Variants in RNF149 observed in about 807,000 individuals in gnomAD.
RNF149 encodes the protein ring finger protein 149, also known as E3 ubiquitin-protein ligase RNF149.
RNF149 carries 21 observed loss-of-function variants against 39.0 expected under a neutral mutation model. That is an observed-to-expected ratio of 0.54 (90% confidence interval 0.38 to 0.77). The LOEUF (loss-of-function observed/expected upper bound fraction) is 0.77. Among genes scored for constraint, RNF149 ranks in the 30% least tolerant of loss-of-function variants. The probability of loss-of-function intolerance (pLI) is 0.00; values close to 1 mark genes in which losing one functional copy is unlikely to be tolerated. For missense variants in RNF149, 493 were observed against 534.9 expected, an observed-to-expected ratio of 0.92 and a Z score of 0.77; for synonymous variants, 209 against 213.6, an observed-to-expected ratio of 0.98 and a Z score of 0.19.
At chr2:101,277,412 G>A (rs1413186732) in intron 6 of RNF149, 131 bp from the exon 7 acceptor site, 25 of 1,280,850 alleles carry the variant, frequency 2.0e-5, no homozygotes, top group Middle Eastern at 4.4e-4. Flanking sequence ...TTTTTGAGAC[G>A]GAGTCTTGTT....
intron 2 of RNF149, 24 bp from the exon 3 acceptor site, chr2:101,294,106 A>G (rs1422220590): frequency 7.9e-6 from 10 of 1,267,446 alleles, no homozygotes; most frequent in Non-Finnish European, 1.1e-5. Flanking sequence ...ATATTAATAC[A>G]GTTATTGAAA....
At chr2:101,286,496 A>G (rs566625826) in intron 4 of RNF149, 5 of 206,412 alleles carry the variant, frequency 2.4e-5, no homozygotes, top group African/African-American at 9.3e-5. Flanking sequence ...AACTAGTAGT[A>G]ATAAGTAAAC....
At chr2:101,292,555 A>G (rs996901425) in intron 3 of RNF149, among the ~76,000 whole-genome samples, 9 of 152,186 alleles carry the variant, frequency 5.9e-5, no homozygotes, top group Non-Finnish European at 1.3e-4. Context: ...TCACGAGGTC[A>G]GGAGATGGAG....
intron 4 of RNF149, among the ~76,000 whole-genome samples, chr2:101,286,837 C>G (rs767416479): frequency 6.6e-6 from 1 of 152,196 alleles, no homozygotes; most frequent in Non-Finnish European, 1.5e-5. Context: ...GACTCAGATA[C>G]GAGCTCTGCG....
chr2:101,306,233 CCTG>C lies in RNF149; in HGVS notation c.460+1893_460+1895del, dbSNP rs770845835. On this transcript the variant is annotated intron_variant, in intron 1 of 6. Coordinates refer to ENST00000295317, the MANE Select transcript of RNF149 (RefSeq NM_173647.4). ...ATTTGGAAAACTGTAGGCTGATGAACCTGCTATTTGAAAAAAAGTCTACATTAA... is the reference window on the plus strand; with the variant it reads ...ATTTGGAAAACTGTAGGCTGATGAACCTATTTGAAAAAAAGTCTACATTAA... 2.6e-5 allele frequency among the ~76,000 whole-genome samples: 4 copies of C among 152,204 alleles called. No homozygotes were observed. The South Asian group carries it at 6.2e-4, about 24-fold the overall frequency.
chr2:101,298,099 A>G (rs1442963601), intron 1 of RNF149, among the ~76,000 whole-genome samples: 1 of 152,194 alleles, frequency 6.6e-6, no homozygotes, highest in Non-Finnish European at 1.5e-5. Flanking sequence ...GTGCCCAGGA[A>G]CTTAATTGCA....
At position 101,289,004 on chromosome 2, in the gene RNF149, CT is replaced by C; in HGVS notation, c.831del (p.Val278Ter). The C allele has an allele frequency of 1.3e-6, 2 of 1,587,286 alleles. No homozygotes were observed. The highest frequency in any genetic ancestry group is 1.7e-6 in the Non-Finnish European group (2 of 1,157,378). On this transcript the variant is annotated frameshift_variant, in exon 4 of 7. Coordinates refer to ENST00000295317, the MANE Select transcript of RNF149 (RefSeq NM_173647.4). LOFTEE classifies it high-confidence loss of function. The stretch of plus-strand genomic sequence containing the variant: ...GGCAGAATTCTAATAATATCCTTTA[CT>C]TTGAAATTTTCAATACACACTGCAC... The part of the protein sequence containing the change: ...ENCAVCIENF[K>X]VKDIIRILPC...
chr2:101,308,658 A>G lies in RNF149; in HGVS notation c.-70T>C, dbSNP rs1308101881. ...AGTGCGGTGCAGTCGAAGAGCAGAGAGAAGCGGACACCCACCGCCGCCCTG... is the reference window on the plus strand; with the variant it reads ...AGTGCGGTGCAGTCGAAGAGCAGAGGGAAGCGGACACCCACCGCCGCCCTG... On this transcript the variant is annotated 5_prime_UTR_variant, in exon 1 of 7. Transcript: ENST00000295317. 2 of 1,340,436 alleles carry G rather than the reference A, an allele frequency of 1.5e-6. No individual in the cohort carries two copies. The highest frequency in any genetic ancestry group is 3.1e-5 in the African/African-American group (2 of 64,494). 83.0% of individuals were successfully genotyped at this position (1,340,436 alleles called of 1,614,324 possible).
chr2:101,274,348 A>G (rs1306917089), downstream of RNF149, among the ~76,000 whole-genome samples: 2 of 152,166 alleles, frequency 1.3e-5, no homozygotes. Flanking sequence ...TTGTCATCAA[A>G]TTTCTCCCTG....
At position 101,275,677 on chromosome 2, in the gene RNF149, G is replaced by A. The variant is rs550371436; in HGVS notation, c.*1561C>T. 3.6e-5 allele frequency: 9 copies of A among 250,784 alleles called. No homozygotes were observed. In the East Asian group the frequency reaches 1.4e-3, roughly 40 times the overall value. 15.5% of individuals were successfully genotyped at this position (250,784 alleles called of 1,614,324 possible). On this transcript the variant is annotated 3_prime_UTR_variant, in exon 7 of 7. Transcript: ENST00000295317. Reference sequence around the variant, plus strand: ...GGGATGGTCTCGATCTCCTGACCTCGTGATCCGCCCGCCTCGGCCTCCCAA... The same window carrying A: ...GGGATGGTCTCGATCTCCTGACCTCATGATCCGCCCGCCTCGGCCTCCCAA...
In RNF149 at chr2:101,276,956, C is replaced by T. The variant is rs1682367365; in HGVS notation, c.*282G>A. On this transcript the variant is annotated 3_prime_UTR_variant, in exon 7 of 7. Coordinates refer to ENST00000295317, the MANE Select transcript of RNF149 (RefSeq NM_173647.4). ...CCAATTATTTAGAAACACCACCTGT[C>T]CTTTATATTAGAGTACCTGCCCCAG... 1 of 1,138,656 alleles carries T rather than the reference C, an allele frequency of 8.8e-7. No individual in the cohort carries two copies. Among genetic ancestry groups the T allele is most frequent in the African/African-American group, 1.6e-5 (1 of 61,112 alleles). 70.5% of individuals were successfully genotyped at this position (1,138,656 alleles called of 1,614,324 possible).
rs1243002145 is a variant in RNF149, at chr2:101,282,046, C to T, written c.972G>A (p.Gly324=). ...IKALGYWGEP[G]DVQEMPAPES... is the part of the protein sequence containing the mutation. Reference sequence around the variant, plus strand: ...CTGGAGCAGGCATCTCCTGTACATCCCCAGGCTCTCCCTTGAGAATTAGAA... The same window carrying T: ...CTGGAGCAGGCATCTCCTGTACATCTCCAGGCTCTCCCTTGAGAATTAGAA... The change falls in exon 6 of 7, where the codon GGG becomes GGA. Residue 324 remains glycine, a synonymous_variant. Coordinates refer to ENST00000295317, the MANE Select transcript of RNF149 (RefSeq NM_173647.4). 1.2e-6 allele frequency: 2 copies of T among 1,613,794 alleles called. No homozygotes were observed. Among genetic ancestry groups the T allele is most frequent in the East Asian group, 4.5e-5 (2 of 44,882 alleles).
intron 1 of RNF149, 43 bp downstream of exon 1, chr2:101,308,086 G>A: frequency 6.3e-7 from 1 of 1,590,568 alleles, no homozygotes; most frequent in African/African-American, 1.4e-5. Context: ...AGCCTCGGCT[G>A]CCGCGAAGTC....
chr2:101,286,012 C>G, intron 5 of RNF149, 69 bp downstream of exon 5: 1 of 895,366 alleles, frequency 1.1e-6, no homozygotes, highest in Non-Finnish European at 1.8e-6. Flanking sequence ...TGTTTCTAGT[C>G]AATAATGAAA....
At chr2:101,297,628 G>A (rs1374646575) in intron 1 of RNF149, among the ~76,000 whole-genome samples, 1 of 152,004 alleles carries the variant, frequency 6.6e-6, no homozygotes, top group East Asian at 1.9e-4. Context: ...CACAGTGTTG[G>A]GATTCTGGCA....
Position 101,308,427 on chromosome 2 carries a change from C to T in RNF149, c.162G>A (p.Thr54=). 1 of 1,611,632 alleles carries T rather than the reference C, an allele frequency of 6.2e-7. No individual in the cohort carries two copies. Among genetic ancestry groups the T allele is most frequent in the Non-Finnish European group, 8.5e-7 (1 of 1,179,390 alleles). The change falls in exon 1 of 7, where the codon ACG becomes ACA. Residue 54 remains threonine (T), a synonymous_variant. Transcript: ENST00000295317. The stretch of plus-strand genomic sequence containing the variant: ...GGCCACTCTCCGAGACGCTCCACAC[C>T]GTCAGGTTGGTCTGCGGGTCCACGT... ...IEYVDPQTNL[T]VWSVSESGRF... is the part of the protein sequence containing the mutation.
intron 1 of RNF149, among the ~76,000 whole-genome samples, chr2:101,307,391 C>T (rs1683707217): frequency 6.6e-6 from 1 of 152,172 alleles, no homozygotes; most frequent in South Asian, 2.1e-4. Context: ...GTTGGCCAGG[C>T]TGGTCTCACA....
chr2:101,302,143 T>C (rs1683477912), intron 1 of RNF149, among the ~76,000 whole-genome samples: 1 of 152,228 alleles, frequency 6.6e-6, no homozygotes, highest in African/African-American at 2.4e-5. Flanking sequence ...TTTGCACACC[T>C]ACTATAATTT....
At chr2:101,294,713 T>G (rs1007323715) in intron 2 of RNF149, 5 of 514,126 alleles carry the variant, frequency 9.7e-6, no homozygotes, top group Non-Finnish European at 1.7e-5. Flanking sequence ...GAAACAAATG[T>G]GCAAAAGGTA....
Sources: allele counts gnomAD v4.1 joint callset (sites outside exome capture counted in the v4.1 genomes callset), GRCh38; gene constraint gnomAD v4.1.1; transcripts MANE v1.5; gene names NCBI Gene and HGNC (gene_info 2026-07-23, HGNC 2026-07-21).